The following LRRC9 variants were observed in gnomAD, a reference collection of about 807,000 sequenced individuals.
LRRC9 encodes the protein leucine rich repeat containing 9.
LRRC9 carries 122 observed loss-of-function variants against 63.2 expected under a neutral mutation model. The ratio of observed to expected loss-of-function variants is 1.93; its 90% CI spans 1.67 to 2.24. The LOEUF (loss-of-function observed/expected upper bound fraction) is 2.24, where lower values mean the gene tolerates loss of function less well. Among genes scored for constraint, LRRC9 ranks in the 30% most tolerant of loss-of-function variants. The probability of loss-of-function intolerance (pLI) is 0.00; values close to 1 mark genes in which losing one functional copy is unlikely to be tolerated. For synonymous variants in LRRC9, 366 were observed against 213.1 expected (o/e 1.72, Z -6.25); for missense variants, 1,071 against 627.7 (o/e 1.71, Z -7.55).
chr14:60,042,600 A>C lies in LRRC9; in HGVS notation c.3991-10465A>C, dbSNP rs1327321870. Among the ~76,000 whole-genome samples, 1 of 152,200 alleles carries C rather than the reference A, an allele frequency of 6.6e-6. No individual in the cohort carries two copies. The highest frequency in any genetic ancestry group is 1.5e-5 in the Non-Finnish European group (1 of 68,034). On this transcript the variant is annotated intron_variant, in intron 29 of 31. Transcript: ENST00000445360. The surrounding 1 kb of genome is among the most constrained non-coding windows in gnomAD (Gnocchi z 4.2). ...TGCCGTTTGCTAAGACCATTGGAAA[A>C]GCACAGTATTAGGCTGAGAGTGTCC... is the stretch of plus-strand genomic sequence containing the variant.
At chr14:59,949,731 T>C (rs1259258866) in intron 8 of LRRC9, among the ~76,000 whole-genome samples, 1 of 151,662 alleles carries the variant, frequency 6.6e-6, no homozygotes, top group Non-Finnish European at 1.5e-5. Flanking sequence ...GAACTCTTTA[T>C]TTCTGCCTTC....
At chr14:59,995,729 T>C (rs1237522428) in intron 17 of LRRC9, among the ~76,000 whole-genome samples, 8 of 151,452 alleles carry the variant, frequency 5.3e-5, no homozygotes, top group African/African-American at 1.5e-4. Flanking sequence ...AGACAGGTTT[T>C]TTTTTTGTTA....
chr14:60,022,186 T>A (rs75398534), intron 26 of LRRC9, among the ~76,000 whole-genome samples: 2,811 of 151,950 alleles, frequency 0.018, 98 homozygotes, highest in East Asian at 0.15. Flanking sequence ...GTTTTGTAGT[T>A]CTCTGTGTAC....
chr14:59,965,065 C>A (rs2139991862), intron 10 of LRRC9, among the ~76,000 whole-genome samples: 1 of 152,280 alleles, frequency 6.6e-6, no homozygotes, highest in African/African-American at 2.4e-5. Context: ...AGGTGAGGAC[C>A]TAGATCTTTC....
intron 10 of LRRC9, among the ~76,000 whole-genome samples, chr14:59,963,834 G>A (rs539820632): frequency 6.6e-6 from 1 of 152,226 alleles, no homozygotes; most frequent in African/African-American, 2.4e-5. Flanking sequence ...AAGTCAGTAA[G>A]CCTGTAAAAG....
chr14:60,036,464 G>C (rs1191239986), intron 29 of LRRC9, among the ~76,000 whole-genome samples: 1 of 152,156 alleles, frequency 6.6e-6, no homozygotes, highest in Non-Finnish European at 1.5e-5. Context: ...AAGCCAAAGG[G>C]CATGATGATT....
At chr14:60,063,286 C>A in intron 31 of LRRC9, 37 bp from the exon 33 acceptor site, 1 of 691,244 alleles carries the variant, frequency 1.4e-6, no homozygotes, top group South Asian at 1.5e-5. Context: ...AAAATTAAGT[C>A]ACCACTATTT....
chr14:59,975,653 T>C (rs973572836), intron 13 of LRRC9, among the ~76,000 whole-genome samples: 3 of 152,200 alleles, frequency 2.0e-5, no homozygotes, highest in Admixed American at 6.5e-5. Flanking sequence ...CTATGCAAAC[T>C]AGACAGTTTC....
intron 12 of LRRC9, among the ~76,000 whole-genome samples, chr14:59,973,223 C>G (rs1299227091): frequency 1.3e-5 from 2 of 152,094 alleles, no homozygotes; most frequent in Admixed American, 6.6e-5. Context: ...CTAATCCCTT[C>G]AGTTAAAAAG....
chr14:59,956,801 C>T (rs1398052904), intron 8 of LRRC9, among the ~76,000 whole-genome samples: 1 of 151,582 alleles, frequency 6.6e-6, no homozygotes, highest in Non-Finnish European at 1.5e-5. Context: ...CTATTTAGTG[C>T]TTCCTCTTGT....
At chr14:60,012,481 A>G (rs1357285660) in intron 23 of LRRC9, among the ~76,000 whole-genome samples, 1 of 152,184 alleles carries the variant, frequency 6.6e-6, no homozygotes, top group Non-Finnish European at 1.5e-5. Context: ...TTAAGGATAC[A>G]TATTCTCAAT....
intron 19 of LRRC9, among the ~76,000 whole-genome samples, chr14:60,000,787 C>CT (rs1345592495): frequency 6.6e-6 from 1 of 151,842 alleles, no homozygotes; most frequent in Non-Finnish European, 1.5e-5. Flanking sequence ...ATTAATATAT[C>CT]TTTTTTCAAA....
intron 8 of LRRC9, among the ~76,000 whole-genome samples, chr14:59,949,087 C>G (rs1373818000): frequency 9.3e-6 from 1 of 108,032 alleles, no homozygotes; most frequent in African/African-American, 3.7e-5. Flanking sequence ...AGGAATGGTA[C>G]CAGTTCCTCC....
intron 8 of LRRC9, among the ~76,000 whole-genome samples, chr14:59,945,715 T>A (rs1882297061): frequency 6.6e-6 from 1 of 152,010 alleles, no homozygotes; most frequent in South Asian, 2.1e-4. Context: ...ATATCCTTAG[T>A]ATAAAAAGGT....
In LRRC9 at chr14:59,927,830, C is replaced by A. The variant is rs1594802274; in HGVS notation, c.-33-81C>A. 3.8e-5 allele frequency: 20 copies of A among 530,014 alleles called. No individual in the cohort carries two copies. The East Asian group carries it at 6.1e-4, about 16-fold the overall frequency. The allele number at this position is 530,014 out of a possible 1,614,324, so 32.8% of individuals were successfully genotyped here. ...TTCAAACTACAGTTGGGTGGTTCAA[C>A]CTCAGTAGCTTTAAGGTCTATTTCA... On this transcript the variant is annotated intron_variant, in intron 1 of 31. Transcript: ENST00000445360. The surrounding 1 kb of genome is among the most constrained non-coding windows in gnomAD (Gnocchi z 4.4).
intron 29 of LRRC9, among the ~76,000 whole-genome samples, chr14:60,041,149 C>A (rs1892911300): frequency 6.6e-6 from 1 of 152,058 alleles, no homozygotes; most frequent in Middle Eastern, 3.4e-3. Flanking sequence ...GATGGGCTTC[C>A]CTTTGTGGGT....
In LRRC9 at chr14:59,939,014, C is replaced by CAT. The variant is rs34336233; in HGVS notation, c.726+452_726+453dup. 3.8e-3 allele frequency among the ~76,000 whole-genome samples: 411 copies of CAT among 109,418 alleles called. 2 individuals are homozygous for CAT. Among genetic ancestry groups the CAT allele is most frequent in the Non-Finnish European group, 5.3e-3 (296 of 55,472 alleles). The allele number at this position is 109,418 out of a possible 152,430, so 71.8% of individuals were successfully genotyped here. A position where few individuals can be genotyped will look rare whatever the true frequency, so the allele number is the denominator to read the frequency against. ...ACATATATACATATACATATATACA[C>CAT]ATATATATATACATATATACACATA... is the stretch of plus-strand genomic sequence containing the variant. On this transcript the variant is annotated intron_variant, in intron 7 of 31. Transcript: ENST00000445360.
Position 59,938,143 on chromosome 14 carries a change from T to G in LRRC9, c.544-247T>G, listed in dbSNP as rs530867205. On this transcript the variant is annotated intron_variant, in intron 6 of 31. Coordinates refer to ENST00000445360, the Ensembl canonical transcript of LRRC9. This position sits in a 1 kb window ranked among gnomAD's most constrained non-coding sequence, Gnocchi z 4.2. The stretch of plus-strand genomic sequence containing the variant: ...ACATCACTGGCTTCAAGGTTCCAGC[T>G]GGAATACATGATTTAGTAAATATTT... Among the ~76,000 whole-genome samples the G allele has an allele frequency of 6.6e-6, 1 of 152,290 alleles. No individual in the cohort carries two copies. Among genetic ancestry groups the G allele is most frequent in the East Asian group, 1.9e-4 (1 of 5,192 alleles).
At chr14:59,971,743 C>G (rs1885530931) in intron 12 of LRRC9, among the ~76,000 whole-genome samples, 2 of 151,866 alleles carry the variant, frequency 1.3e-5, no homozygotes, top group Non-Finnish European at 1.5e-5. Context: ...TTCCATTATC[C>G]CCACATCTAA....
Sources: allele counts gnomAD v4.1 joint callset (sites outside exome capture counted in the v4.1 genomes callset), GRCh38; gene constraint gnomAD v4.1.1; non-coding constraint Gnocchi (gnomAD v3.1); transcripts MANE v1.5; gene names NCBI Gene and HGNC (gene_info 2026-07-23, HGNC 2026-07-21).